Variants in GRIP1 observed in about 807,000 individuals in gnomAD.
GRIP1 encodes glutamate receptor-interacting protein 1.
In GRIP1, 45 loss-of-function variants were observed where a neutral mutation model predicts 129.9. The observed-to-expected ratio is 0.35, with a 90% CI of 0.27 to 0.44. GRIP1 has a LOEUF of 0.44. Among genes scored for constraint, GRIP1 ranks in the 20% least tolerant of loss-of-function variants. The pLI, the probability that GRIP1 is intolerant of heterozygous loss-of-function variation, is 1.00. For missense variants in GRIP1, 1,196 were observed against 1,396.8 expected, an observed-to-expected ratio of 0.86 and a Z score of 2.29; for synonymous variants, 530 against 520.8, an observed-to-expected ratio of 1.02 and a Z score of -0.24.
chr12:66,616,148 TA>T (rs1299030982), intron 1 of GRIP1, among the ~76,000 whole-genome samples: 1 of 152,088 alleles, frequency 6.6e-6, no homozygotes, highest in Non-Finnish European at 1.5e-5. Context: ...TGGCTTTAAC[TA>T]AGGGATATAA....
chr12:66,660,008 A>G (rs1427916093), intron 1 of GRIP1, among the ~76,000 whole-genome samples: 1 of 152,232 alleles, frequency 6.6e-6, no homozygotes, highest in East Asian at 1.9e-4. Context: ...AGATAGCATC[A>G]AAATAAATCA....
At chr12:66,421,670 T>TC (rs1176667918) in intron 14 of GRIP1, among the ~76,000 whole-genome samples, 1 of 151,716 alleles carries the variant, frequency 6.6e-6, no homozygotes, top group Non-Finnish European at 1.5e-5. Flanking sequence ...TGACTTTTTT[T>TC]TTTTTTTAGT....
chr12:66,864,812 C>A lies in GRIP1; in HGVS notation c.58+204238G>T, dbSNP rs11176464. On this transcript the variant is annotated intron_variant, in intron 1 of 1. Coordinates refer to the GRIP1 transcript ENST00000643019. The stretch of plus-strand genomic sequence containing the variant: ...CAAATCCAGAAAATTATTGCTGCCT[C>A]AAAGGCTTTTGTAGTTCAAATCTCT... Among the ~76,000 whole-genome samples the A allele has an allele frequency of 2.0e-5, 3 of 152,034 alleles. No individual in the cohort carries two copies. In the South Asian group the frequency reaches 6.2e-4, roughly 32 times the overall value.
intron 2 of GRIP1, among the ~76,000 whole-genome samples, chr12:66,550,386 T>A (rs1448698231): frequency 4.6e-5 from 7 of 152,214 alleles, no homozygotes; most frequent in Admixed American, 1.3e-4. Context: ...TATTTGGATA[T>A]TGGAAATTTC....
chr12:66,779,984 G>C (rs370236112), intron 1 of GRIP1, among the ~76,000 whole-genome samples: 1 of 152,194 alleles, frequency 6.6e-6, no homozygotes, highest in Non-Finnish European at 1.5e-5. Flanking sequence ...TTAGTGTGGT[G>C]AATGTATCAG....
intron 16 of GRIP1, among the ~76,000 whole-genome samples, chr12:66,402,289 T>C (rs887763415): frequency 6.6e-6 from 1 of 152,216 alleles, no homozygotes; most frequent in Admixed American, 6.5e-5. Flanking sequence ...TTGTTTCTCC[T>C]ATTTGGTGGT....
At chr12:66,600,446 A>T (rs1302419730) in intron 1 of GRIP1, among the ~76,000 whole-genome samples, 1 of 152,238 alleles carries the variant, frequency 6.6e-6, no homozygotes, top group Non-Finnish European at 1.5e-5. Context: ...TGCTGATAAA[A>T]TATGTGAATT....
intron 1 of GRIP1, among the ~76,000 whole-genome samples, chr12:66,793,360 G>T (rs2038600026): frequency 6.6e-6 from 1 of 152,102 alleles, no homozygotes; most frequent in Non-Finnish European, 1.5e-5. Flanking sequence ...CTCTAAACTG[G>T]ATCTGTTTGC....
intron 1 of GRIP1, among the ~76,000 whole-genome samples, chr12:66,994,968 C>G (rs1325194338): frequency 1.3e-5 from 2 of 151,874 alleles, no homozygotes; most frequent in Admixed American, 1.3e-4. Context: ...ATAATTAAGA[C>G]AGTGGAGTGC....
At chr12:66,393,257 C>A (rs984218993) in intron 17 of GRIP1, among the ~76,000 whole-genome samples, 1 of 138,204 alleles carries the variant, frequency 7.2e-6, no homozygotes, top group Non-Finnish European at 1.5e-5. Flanking sequence ...TGGCTCACTG[C>A]AACCTCCGCA....
chr12:66,674,883 G>T (rs61926121), intron 1 of GRIP1, among the ~76,000 whole-genome samples: 1 of 152,086 alleles, frequency 6.6e-6, no homozygotes, highest in African/African-American at 2.4e-5. Context: ...AAATCAGGAA[G>T]AAGAGAGGGA....
At chr12:66,565,041 A>G (rs2062697716) in intron 2 of GRIP1, among the ~76,000 whole-genome samples, 1 of 152,218 alleles carries the variant, frequency 6.6e-6, no homozygotes, top group African/African-American at 2.4e-5. Flanking sequence ...TCAGATGGGT[A>G]GATTGCAAAA....
intron 1 of GRIP1, among the ~76,000 whole-genome samples, chr12:66,984,035 G>A (rs543862975): frequency 2.0e-5 from 3 of 152,228 alleles, no homozygotes; most frequent in South Asian, 2.1e-4. Context: ...ACAGCATTTC[G>A]TGACCACAGC....
chr12:66,757,174 A>G (rs2037319367), intron 1 of GRIP1, among the ~76,000 whole-genome samples: 1 of 152,112 alleles, frequency 6.6e-6, no homozygotes, highest in African/African-American at 2.4e-5. Flanking sequence ...GTGCTATCAA[A>G]TACTAGATCT....
intron 1 of GRIP1, among the ~76,000 whole-genome samples, chr12:67,013,678 A>C (rs2042742152): frequency 6.6e-6 from 1 of 152,192 alleles, no homozygotes; most frequent in Admixed American, 6.6e-5. Context: ...CTGAGGAAAC[A>C]AATAAAGAAG....
chr12:66,847,321 T>C (rs949894176), intron 1 of GRIP1, among the ~76,000 whole-genome samples: 4 of 152,160 alleles, frequency 2.6e-5, no homozygotes, highest in South Asian at 4.1e-4. Flanking sequence ...GGTCCCTTCC[T>C]ACTTTCCCAG....
chr12:66,568,947 C>A, intron 2 of GRIP1: 1 of 522,110 alleles, frequency 1.9e-6, no homozygotes. Context: ...TCACAGGTTC[C>A]CAGGGACTAG....
chr12:66,749,941 C>T (rs960233838), intron 1 of GRIP1, among the ~76,000 whole-genome samples: 1 of 152,128 alleles, frequency 6.6e-6, no homozygotes, highest in African/African-American at 2.4e-5. Flanking sequence ...CAGATTATTT[C>T]ATCTCATAGT....
chr12:66,800,649 G>C (rs137992831), intron 1 of GRIP1, among the ~76,000 whole-genome samples: 1 of 152,100 alleles, frequency 6.6e-6, no homozygotes, highest in East Asian at 1.9e-4. Context: ...ACCTGCCAGA[G>C]CCTATAAAAA....
Sources: allele counts gnomAD v4.1 joint callset (sites outside exome capture counted in the v4.1 genomes callset), GRCh38; gene constraint gnomAD v4.1.1; transcripts MANE v1.5; gene names NCBI Gene and HGNC (gene_info 2026-07-23, HGNC 2026-07-21).